The following DOCK9 variants were observed in gnomAD, a reference collection of about 807,000 sequenced individuals.
The protein encoded by DOCK9 is dedicator of cytokinesis 9, also known as dedicator of cytokinesis protein 9.
DOCK9 carries 89 observed loss-of-function variants against 263.3 expected under a neutral mutation model. The observed-to-expected ratio is 0.34, with a 90% CI of 0.28 to 0.40. DOCK9 has a LOEUF of 0.40. Among genes scored for constraint, DOCK9 ranks in the 10% least tolerant of loss-of-function variants. The pLI is 1.00. For missense variants in DOCK9, 2,140 were observed against 2,603.4 expected (o/e 0.82, Z 3.87); for synonymous variants, 976 against 973.1 (o/e 1.00, Z -0.06).
chr13:98,948,730 T>C (rs1308348635), intron 2 of DOCK9, among the ~76,000 whole-genome samples: 4 of 152,150 alleles, frequency 2.6e-5, no homozygotes, highest in African/African-American at 7.2e-5. Flanking sequence ...CCATCCCTAG[T>C]AACCAGCATT....
chr13:98,945,747 T>G (rs2056618487), intron 2 of DOCK9, among the ~76,000 whole-genome samples: 1 of 152,230 alleles, frequency 6.6e-6, no homozygotes, highest in Non-Finnish European at 1.5e-5. Flanking sequence ...TCTACAAATA[T>G]TTATTGAATA....
chr13:99,027,701 G>A (rs1035612909), intron 1 of DOCK9, among the ~76,000 whole-genome samples: 10 of 152,302 alleles, frequency 6.6e-5, no homozygotes, highest in African/African-American at 2.2e-4. Flanking sequence ...CTATTCCAGC[G>A]TCTCTGGTCT....
At chr13:99,086,571 C>G (rs1023420028) in exon 1 of DOCK9, 1 of 158,842 alleles carries the variant, frequency 6.3e-6, no homozygotes, top group South Asian at 1.8e-4. Context: ...GCGTCCGCGG[C>G]CCCCCGCGAT....
At chr13:99,029,176 C>CT (rs1201465552) in intron 1 of DOCK9, among the ~76,000 whole-genome samples, 1 of 152,192 alleles carries the variant, frequency 6.6e-6, no homozygotes, top group Non-Finnish European at 1.5e-5. Flanking sequence ...TTTTTCAGCA[C>CT]TTACAGAACC....
Position 98,837,593 on chromosome 13 carries a change from G to T in DOCK9, c.4215C>A (p.Asp1405Glu), listed in dbSNP as rs550887221. Reference protein sequence around the residue: ...LTFNHSYGHSDADVLHQSLLE... With the variant: ...LTFNHSYGHSEADVLHQSLLE... ...GTAATGACTGGTGCAGAACATCTGC[G>T]TCCGAGTGGCCATAGCCTGCATGAA... is the stretch of plus-strand genomic sequence containing the variant. Residue 1405 changes from aspartate (D) to glutamate (E), a missense_variant, in exon 39 of 53, where the codon GAC (aspartate) becomes GAA (glutamate). Physicochemically the swap from Asp to Glu is conservative, Grantham distance 45. Transcript: ENST00000682017. The T allele has an allele frequency of 1.5e-4, 234 of 1,612,836 alleles. 4 individuals carry two copies. In the South Asian group the frequency reaches 2.4e-3, roughly 17 times the overall value.
intron 21 of DOCK9, 104 bp downstream of exon 21, chr13:98,884,867 A>C (rs2045430202): frequency 7.5e-7 from 1 of 1,337,138 alleles, no homozygotes; most frequent in Non-Finnish European, 1.0e-6. Flanking sequence ...AAAATGGTGG[A>C]AGAGCAAAAA....
chr13:98,894,545 C>T (rs1427641436), intron 15 of DOCK9, among the ~76,000 whole-genome samples: 1 of 151,850 alleles, frequency 6.6e-6, no homozygotes, highest in Non-Finnish European at 1.5e-5. Context: ...ATTCACTTTC[C>T]TAAGTACACG....
chr13:98,879,624 A>G (rs1199557233), intron 27 of DOCK9, among the ~76,000 whole-genome samples: 2 of 152,196 alleles, frequency 1.3e-5, no homozygotes, highest in African/African-American at 4.8e-5. Flanking sequence ...TTGGGGCCAG[A>G]CTGGACTCAA....
chr13:98,836,182 G>A (rs2092992779), intron 39 of DOCK9, among the ~76,000 whole-genome samples: 1 of 152,152 alleles, frequency 6.6e-6, no homozygotes, highest in Admixed American at 6.5e-5. Context: ...CTCACCCCAT[G>A]ATACTGCTCT....
chr13:99,017,584 T>C (rs1885582319), intron 1 of DOCK9, among the ~76,000 whole-genome samples: 3 of 152,204 alleles, frequency 2.0e-5, no homozygotes, highest in Non-Finnish European at 4.4e-5. Flanking sequence ...TGCTGGTATA[T>C]GCTGTTTGAT....
intron 6 of DOCK9, 38 bp downstream of exon 6, chr13:98,922,013 C>G: frequency 6.7e-7 from 1 of 1,498,892 alleles, no homozygotes; most frequent in Non-Finnish European, 9.1e-7. Context: ...GCAGAAAGGG[C>G]TTGTGAGAGG....
chr13:98,807,860 C>CGTT, intron 47 of DOCK9, 53 bp from the exon 48 acceptor site: 1 of 1,466,442 alleles, frequency 6.8e-7, no homozygotes, highest in Non-Finnish European at 9.2e-7. Context: ...CCAGGGCTTA[C>CGTT]CACCTAGGAA....
chr13:98,905,633 C>T (rs1447361559), intron 9 of DOCK9, among the ~76,000 whole-genome samples: 3 of 151,906 alleles, frequency 2.0e-5, no homozygotes, highest in African/African-American at 7.3e-5. Flanking sequence ...ATTTGAATGC[C>T]AAGGATTGGG....
intron 1 of DOCK9, among the ~76,000 whole-genome samples, chr13:99,020,576 T>C (rs1885977206): frequency 1.3e-5 from 2 of 152,256 alleles, no homozygotes; most frequent in African/African-American, 4.8e-5. Flanking sequence ...CTGCAGCTGC[T>C]GTTCCCACCT....
rs1272031151 is a variant in DOCK9, at chr13:98,810,207, G to C, written c.5215C>G (p.Leu1739Val). The change falls in exon 46 of 53, where the codon CTT (leucine) becomes GTT (valine). Residue 1739 changes from leucine (L) to valine (V), a missense_variant. This residue lies in a region of DOCK9 where 619 missense variants were observed against 861.8 expected (regional missense o/e 0.72). Coordinates refer to ENST00000682017, the MANE Select transcript of DOCK9 (RefSeq NM_001366683.2). ...CGCTTCTCATAAATGGGGATGATAA[G>C]TTTGTAGATGTCGGCGATGAGCTCG... ...RYELIADIYK[L>V]IIPIYEKRRD... is the part of the protein sequence containing the mutation. 6.2e-7 allele frequency: 1 copy of C among 1,613,962 alleles called. No homozygotes were observed. Among genetic ancestry groups the C allele is most frequent in the Non-Finnish European group, 8.5e-7 (1 of 1,179,904 alleles).
At chr13:98,904,293 G>C (rs2048761161) in intron 10 of DOCK9, among the ~76,000 whole-genome samples, 1 of 152,230 alleles carries the variant, frequency 6.6e-6, no homozygotes, top group South Asian at 2.1e-4. Flanking sequence ...GCCTGGGCTA[G>C]TCGGGAATTA....
At chr13:98,887,993 C>T (rs1464421510) in intron 18 of DOCK9, 165 bp downstream of exon 18, 3 of 534,950 alleles carry the variant, frequency 5.6e-6, no homozygotes, top group African/African-American at 3.9e-5. Context: ...ATTCCATATT[C>T]GATAAGATTG....
chr13:99,087,666 G>A (rs1294694454), upstream of DOCK9, among the ~76,000 whole-genome samples: 2 of 152,248 alleles, frequency 1.3e-5, no homozygotes, highest in Non-Finnish European at 2.9e-5. Context: ...AACCCTCACA[G>A]GGCCGCGGAG....
chr13:99,033,457 T>C (rs1403676867), intron 1 of DOCK9, among the ~76,000 whole-genome samples: 1 of 152,214 alleles, frequency 6.6e-6, no homozygotes, highest in Admixed American at 6.5e-5. Context: ...GTGACGGAAG[T>C]ATCACAAAGG....
Sources: allele counts gnomAD v4.1 joint callset (sites outside exome capture counted in the v4.1 genomes callset), GRCh38; gene constraint gnomAD v4.1.1; regional missense constraint gnomAD v4.1.1; transcripts MANE v1.5; gene names NCBI Gene and HGNC (gene_info 2026-07-23, HGNC 2026-07-21).